The following TBC1D5 variants were observed in gnomAD, a reference collection of about 807,000 sequenced individuals.
The protein encoded by TBC1D5 is TBC1 domain family, member 5.
A neutral mutation model predicts 100.3 loss-of-function variants in TBC1D5; 75 were observed. The ratio of observed to expected loss-of-function variants is 0.75; its 90% CI spans 0.62 to 0.91. The LOEUF is 0.91. Among genes scored for constraint, TBC1D5 ranks in the 40% least tolerant of loss-of-function variants. The pLI is 0.00. For synonymous variants in TBC1D5, 323 were observed against 325.6 expected, an observed-to-expected ratio of 0.99 and a Z score of 0.09; for missense variants, 910 against 942.4, an observed-to-expected ratio of 0.97 and a Z score of 0.45.
At chr3:17,269,789 T>C (rs757004025) in intron 15 of TBC1D5, among the ~76,000 whole-genome samples, 5 of 151,764 alleles carry the variant, frequency 3.3e-5, no homozygotes, top group Non-Finnish European at 5.9e-5. Flanking sequence ...GACTATGGCC[T>C]CCAGCTACAT....
At chr3:17,521,217 G>C (rs1340897075) in intron 2 of TBC1D5, among the ~76,000 whole-genome samples, 1 of 152,080 alleles carries the variant, frequency 6.6e-6, no homozygotes, top group Admixed American at 6.5e-5. Context: ...GCTGACCCTT[G>C]AACAACATGG....
chr3:17,706,751 A>G (rs2074222703), intron 1 of TBC1D5, among the ~76,000 whole-genome samples: 1 of 149,332 alleles, frequency 6.7e-6, no homozygotes, highest in Non-Finnish European at 1.5e-5. Context: ...ATTAAATTAA[A>G]TATTCTGAAT....
chr3:17,639,542 A>C (rs146083444), intron 1 of TBC1D5, among the ~76,000 whole-genome samples: 1 of 152,014 alleles, frequency 6.6e-6, no homozygotes, highest in Non-Finnish European at 1.5e-5. Flanking sequence ...ACTATTCCCC[A>C]TCCCTCACCA....
chr3:17,690,018 T>A (rs1189384619), intron 1 of TBC1D5, among the ~76,000 whole-genome samples: 1 of 152,150 alleles, frequency 6.6e-6, no homozygotes, highest in African/African-American at 2.4e-5. Context: ...AAAAGAATTG[T>A]TGCTATAATA....
At chr3:17,272,080 G>C (rs2079485656) in intron 15 of TBC1D5, among the ~76,000 whole-genome samples, 1 of 130,582 alleles carries the variant, frequency 7.7e-6, no homozygotes, top group African/African-American at 2.8e-5. Flanking sequence ...TGTGTTGTTG[G>C]GAGAGAGTTA....
chr3:17,742,296 G>A (rs893229872), upstream of TBC1D5, among the ~76,000 whole-genome samples: 6 of 152,156 alleles, frequency 3.9e-5, no homozygotes, highest in African/African-American at 9.7e-5. Context: ...GCACCCTCAG[G>A]CCCTCCCGTG....
intron 1 of TBC1D5, among the ~76,000 whole-genome samples, chr3:17,649,124 A>C (rs1032224376): frequency 2.6e-5 from 4 of 152,254 alleles, no homozygotes; most frequent in African/African-American, 9.6e-5. Flanking sequence ...TGGTACATAT[A>C]CACAATGGAA....
intron 1 of TBC1D5, among the ~76,000 whole-genome samples, chr3:17,687,667 A>T (rs975799932): frequency 8.5e-5 from 13 of 152,188 alleles, no homozygotes; most frequent in Non-Finnish European, 1.8e-4. Flanking sequence ...TATTCCAAGA[A>T]GGCTATGAGA....
At chr3:17,442,195 G>A (rs959416469) in intron 3 of TBC1D5, among the ~76,000 whole-genome samples, 2 of 152,184 alleles carry the variant, frequency 1.3e-5, no homozygotes, top group Non-Finnish European at 2.9e-5. Context: ...GAGGTCCTGT[G>A]ATCTCGAGAG....
At chr3:17,467,519 T>G (rs1383487725) in intron 3 of TBC1D5, among the ~76,000 whole-genome samples, 1 of 151,978 alleles carries the variant, frequency 6.6e-6, no homozygotes, top group African/African-American at 2.4e-5. Flanking sequence ...CAAAAAAAGT[T>G]ACATTTACTC....
chr3:17,163,713 T>G (rs2066313060), intron 21 of TBC1D5, among the ~76,000 whole-genome samples: 1 of 152,140 alleles, frequency 6.6e-6, no homozygotes, highest in Non-Finnish European at 1.5e-5. Context: ...ACATTTTCCA[T>G]GATGATGGAA....
chr3:17,479,952 G>C (rs1233065961), intron 3 of TBC1D5, among the ~76,000 whole-genome samples: 14 of 152,178 alleles, frequency 9.2e-5, no homozygotes, highest in Non-Finnish European at 1.5e-5. Context: ...TCCAGACCAA[G>C]GAATCCCTGT....
intron 3 of TBC1D5, among the ~76,000 whole-genome samples, chr3:17,502,851 AT>A (rs2095801848): frequency 6.7e-6 from 1 of 149,128 alleles, no homozygotes; most frequent in African/African-American, 2.6e-5. Flanking sequence ...CTCTCCTACC[AT>A]TTCCCCATAT....
At chr3:17,666,394 T>A (rs774435072) in intron 1 of TBC1D5, among the ~76,000 whole-genome samples, 1 of 152,178 alleles carries the variant, frequency 6.6e-6, no homozygotes. Flanking sequence ...CATCCACCTC[T>A]AGCATTCTGA....
chr3:17,597,065 TG>T (rs1173200300), intron 2 of TBC1D5, among the ~76,000 whole-genome samples: 3 of 152,222 alleles, frequency 2.0e-5, no homozygotes, highest in Non-Finnish European at 4.4e-5. Context: ...TAAGATGATA[TG>T]ATTCTTTCAA....
chr3:17,419,660 G>C (rs73161405), intron 4 of TBC1D5, among the ~76,000 whole-genome samples: 3 of 151,710 alleles, frequency 2.0e-5, no homozygotes, highest in Non-Finnish European at 4.4e-5. Flanking sequence ...TCTTCCCCTC[G>C]TTCTGTTTTT....
intron 2 of TBC1D5, among the ~76,000 whole-genome samples, chr3:17,542,408 G>T (rs2096367584): frequency 6.6e-6 from 1 of 152,202 alleles, no homozygotes; most frequent in Non-Finnish European, 1.5e-5. Context: ...TATAGAGCCA[G>T]GGTCTGGCTA....
chr3:17,320,807 T>C (rs752923974), intron 13 of TBC1D5, among the ~76,000 whole-genome samples: 33 of 152,208 alleles, frequency 2.2e-4, no homozygotes, highest in Non-Finnish European at 1.5e-4. Flanking sequence ...ATCTTTACCA[T>C]AGTATTACAT....
chr3:17,642,476 A>G (rs1256817425), intron 1 of TBC1D5, among the ~76,000 whole-genome samples: 1 of 152,104 alleles, frequency 6.6e-6, no homozygotes, highest in Admixed American at 6.6e-5. Flanking sequence ...TCAGAACTAG[A>G]ATCCAAATAC....
Sources: allele counts gnomAD v4.1 joint callset (sites outside exome capture counted in the v4.1 genomes callset), GRCh38; gene constraint gnomAD v4.1.1; transcripts MANE v1.5; gene names NCBI Gene and HGNC (gene_info 2026-07-23, HGNC 2026-07-21).